Variants in PCDHA4 observed in about 807,000 individuals in gnomAD.
PCDHA4 encodes protocadherin alpha-4.
PCDHA4 carries 49 observed loss-of-function variants against 61.4 expected under a neutral mutation model. The observed-to-expected ratio is 0.80, with a 90% CI of 0.63 to 1.01. The LOEUF is 1.01. Among genes scored for constraint, PCDHA4 ranks in the 50% least tolerant of loss-of-function variants. The pLI is 0.00. For missense variants in PCDHA4, 1,254 were observed against 1,235.8 expected (o/e 1.01, Z -0.22); for synonymous variants, 590 against 550.3 (o/e 1.07, Z -1.01).
chr5:140,978,898 G>A (rs2096827765), intron 1 of PCDHA4, 51 bp from the exon 2 acceptor site: 1 of 1,612,868 alleles, frequency 6.2e-7, no homozygotes. Flanking sequence ...GCATTCCTGG[G>A]AGAACATTGT....
intron 1 of PCDHA4, among the ~76,000 whole-genome samples, chr5:140,912,343 ATTT>A (rs35252606): frequency 2.8e-5 from 4 of 143,838 alleles, no homozygotes; most frequent in African/African-American, 5.1e-5. Context: ...TACACTAAGT[ATTT>A]TTTTTTTTTT....
intron 1 of PCDHA4, chr5:140,836,375 C>T (rs2150258961): frequency 4.3e-6 from 7 of 1,613,712 alleles, no homozygotes; most frequent in South Asian, 1.1e-5. Context: ...CCACAGCCAC[C>T]GTGCTGGTGT....
chr5:140,964,952 T>C (rs868971882), intron 1 of PCDHA4, among the ~76,000 whole-genome samples: 1 of 152,190 alleles, frequency 6.6e-6, no homozygotes, highest in South Asian at 2.1e-4. Flanking sequence ...TGAGTGTGCT[T>C]GGTTGGTGGA....
rs2150121696 is a variant in PCDHA4 at position 140,823,053 on chromosome 5, G to C, written c.2385+13481G>C. 3 of 1,614,190 alleles carry C rather than the reference G, an allele frequency of 1.9e-6. No homozygotes were observed. In the Admixed American group the frequency reaches 5.0e-5, roughly 27 times the overall value. On this transcript the variant is annotated intron_variant, in intron 1 of 3. Coordinates refer to ENST00000530339, the MANE Select transcript of PCDHA4 (RefSeq NM_018907.4). ...CGGTCTATGAGCTGGTGGTGACCGC[G>C]CGGGACGGGGGCTCGCCTTCGCTGT...
In PCDHA4 at chr5:140,877,407, C is replaced by G. The variant is rs1554169686; in HGVS notation, c.2385+67835C>G. The G allele has an allele frequency of 1.2e-6, 2 of 1,613,824 alleles. No individual in the cohort carries two copies. The highest frequency in any genetic ancestry group is 2.7e-5 in the African/African-American group (2 of 74,928). On this transcript the variant is annotated intron_variant, in intron 1 of 3. Coordinates refer to ENST00000530339, the MANE Select transcript of PCDHA4 (RefSeq NM_018907.4). ...TGGATGAGGCGGACGCTCCGCGCCA[C>G]CGCCTGCTGGTGCTGGTGAAGGACC...
intron 1 of PCDHA4, chr5:140,823,032 C>A: frequency 1.2e-6 from 2 of 1,614,230 alleles, no homozygotes; most frequent in Non-Finnish European, 8.5e-7. Flanking sequence ...GCGTGTCGGT[C>A]TATGAGCTGG....
chr5:140,830,266 G>T (rs2150183759), intron 1 of PCDHA4: 8 of 1,613,648 alleles, frequency 5.0e-6, no homozygotes, highest in Non-Finnish European at 6.8e-6. Context: ...GGTGCTCGGC[G>T]CCACCCACCG....
intron 1 of PCDHA4, among the ~76,000 whole-genome samples, chr5:140,845,529 C>T (rs1215652853): frequency 6.7e-6 from 1 of 149,420 alleles, no homozygotes; most frequent in Non-Finnish European, 1.5e-5. Context: ...TAATACTTTT[C>T]ACTATTCTAA....
At chr5:140,867,366 T>C (rs1478062885) in intron 1 of PCDHA4, 2 of 152,156 alleles carry the variant, frequency 1.3e-5, no homozygotes, top group African/African-American at 4.8e-5. Flanking sequence ...ATTTTACAGA[T>C]GCGTAATGGA....
chr5:140,864,333 AGT>A (rs1554158793), intron 1 of PCDHA4: 2 of 152,182 alleles, frequency 1.3e-5, no homozygotes, highest in African/African-American at 4.8e-5. Flanking sequence ...TAATTATTTG[AGT>A]TTAAAACATG....
At chr5:140,869,892 A>C in intron 1 of PCDHA4, 2 of 1,610,608 alleles carry the variant, frequency 1.2e-6, no homozygotes, top group Non-Finnish European at 1.7e-6. Context: ...TTGTGCTCAA[A>C]CTAAACGCCA....
intron 1 of PCDHA4, chr5:140,835,929 A>G: frequency 6.2e-7 from 1 of 1,612,456 alleles, no homozygotes; most frequent in Non-Finnish European, 8.5e-7. Context: ...GGAGAGCGGC[A>G]AGGTGTACGC....
At chr5:140,983,092 T>C (rs782172308) in intron 3 of PCDHA4, among the ~76,000 whole-genome samples, 4 of 152,178 alleles carry the variant, frequency 2.6e-5, no homozygotes, top group Non-Finnish European at 5.9e-5. Flanking sequence ...TCAAAGTCAA[T>C]CTGCTTCTCT....
intron 1 of PCDHA4, among the ~76,000 whole-genome samples, chr5:140,939,679 T>A (rs2092435989): frequency 6.6e-6 from 1 of 152,196 alleles, no homozygotes; most frequent in South Asian, 2.1e-4. Context: ...TGTATGTATG[T>A]GTGTGTTGCT....
Position 140,809,236 on chromosome 5 carries a change from G to A in PCDHA4, c.2049G>A (p.Leu683=). Residue 683 remains leucine, a synonymous_variant, in exon 1 of 4, where the codon TTG becomes TTA. Transcript: ENST00000530339. The stretch of plus-strand genomic sequence containing the variant: ...CGCCAAAGGCCTCCTCACGGGCGTT[G>A]GTGGGCGCTGTGGGTCCCGATGCTG... ...GQAPKASSRA[L]VGAVGPDAAL... 6.2e-7 allele frequency: 1 copy of A among 1,614,104 alleles called. No homozygotes were observed.
chr5:140,829,152 C>T lies in PCDHA4; in HGVS notation c.2385+19580C>T. ...AACGTCCCTGAGATAGCACTGACTT[C>T]CTTATCCTTGCCTGTACGTGAAGAC... is the stretch of plus-strand genomic sequence containing the variant. On this transcript the variant is annotated intron_variant, in intron 1 of 3. Coordinates refer to ENST00000530339, the MANE Select transcript of PCDHA4 (RefSeq NM_018907.4). 1 of 1,613,972 alleles carries T rather than the reference C, an allele frequency of 6.2e-7. No homozygotes were observed. Among genetic ancestry groups the T allele is most frequent in the Non-Finnish European group, 8.5e-7 (1 of 1,179,830 alleles).
chr5:140,816,790 CA>C (rs1437994135), intron 1 of PCDHA4: 3 of 151,774 alleles, frequency 2.0e-5, no homozygotes, highest in Non-Finnish European at 4.4e-5. Flanking sequence ...AGGGATCTGC[CA>C]GCTTTTTTTT....
chr5:140,823,982 C>A, intron 1 of PCDHA4: 1 of 1,614,046 alleles, frequency 6.2e-7, no homozygotes, highest in Non-Finnish European at 8.5e-7. Context: ...CGGGGCAAGC[C>A]CACTCTGTTG....
intron 2 of PCDHA4, 36 bp downstream of exon 2, chr5:140,979,043 C>G: frequency 6.2e-7 from 1 of 1,612,500 alleles, no homozygotes. Context: ...CAGAAGTAAC[C>G]TTAACTTGGT....
Sources: gnomAD v4.1 joint callset for allele counts (sites outside exome capture counted in the v4.1 genomes callset) on GRCh38, gnomAD v4.1.1 for gene constraint, MANE v1.5 for transcripts, NCBI Gene and HGNC (gene_info 2026-07-23, HGNC 2026-07-21) for gene names.